The following ZNF280C variants were observed in gnomAD, a reference collection of about 807,000 sequenced individuals.
ZNF280C encodes zinc finger protein 280C.
A neutral mutation model predicts 53.6 loss-of-function variants in ZNF280C; 14 were observed. The observed-to-expected ratio is 0.26, with a 90% CI of 0.17 to 0.41. The LOEUF (loss-of-function observed/expected upper bound fraction) is 0.41. ZNF280C is among the 10% of genes least tolerant of loss of function. The pLI is 1.00. For synonymous variants in ZNF280C, 203 were observed against 181.1 expected (o/e 1.12, Z -0.97); for missense variants, 416 against 547.1 (o/e 0.76, Z 2.39).
rs181185487 is a variant in ZNF280C at position 130,204,585 on chromosome X, A to C, written c.*392T>G. The C allele has an allele frequency of 1.4e-3, 189 of 136,004 alleles. No homozygotes were observed. In the South Asian group the frequency reaches 0.019, roughly 13 times the overall value. 11.2% of individuals were successfully genotyped at this position (136,004 alleles called of 1,213,427 possible). A position where few individuals can be genotyped will look rare whatever the true frequency, so the allele number is the denominator to read the frequency against. ...AAAAATAGAACAGTAATGAACAAGG[A>C]ATGAAGAAAAAATGGTTATCTGACC... is the stretch of plus-strand genomic sequence containing the variant. On this transcript the variant is annotated 3_prime_UTR_variant, in exon 19 of 19. Transcript: ENST00000370978.
At chrX:130,232,755 C>T (rs2032290949) in intron 8 of ZNF280C, among the ~76,000 whole-genome samples, 3 of 111,943 alleles carry the variant, frequency 2.7e-5, no homozygotes, top group Middle Eastern at 4.7e-3. Flanking sequence ...TTGGTGCAGT[C>T]GCTATGGAAG....
At chrX:130,250,402 G>A (rs1027459937) in intron 2 of ZNF280C, among the ~76,000 whole-genome samples, 15 of 111,461 alleles carry the variant, frequency 1.3e-4, no homozygotes, top group Non-Finnish European at 2.4e-4. Context: ...GACTAATACA[G>A]AAGAGAGAAG....
At chrX:130,218,718 A>C (rs183813725) in intron 13 of ZNF280C, among the ~76,000 whole-genome samples, 73 of 112,186 alleles carry the variant, frequency 6.5e-4, no homozygotes, top group African/African-American at 2.2e-3. Flanking sequence ...CATGACCTTG[A>C]GTAAGGAATT....
chrX:130,255,676 T>C (rs2032562895), intron 2 of ZNF280C, among the ~76,000 whole-genome samples: 1 of 111,864 alleles, frequency 8.9e-6, no homozygotes. Flanking sequence ...GCCAGGTGGC[T>C]GAGTGTGGTG....
At chrX:130,210,956 A>G (rs766340460) in intron 15 of ZNF280C, among the ~76,000 whole-genome samples, 9 of 112,321 alleles carry the variant, frequency 8.0e-5, no homozygotes, top group Non-Finnish European at 1.3e-4. Flanking sequence ...AGTGGGGCCC[A>G]GAAATCTGTT....
chrX:130,263,929 G>C (rs2032658012), intron 1 of ZNF280C, among the ~76,000 whole-genome samples: 1 of 107,208 alleles, frequency 9.3e-6, no homozygotes, highest in Non-Finnish European at 1.9e-5. Context: ...GGAGGCTGAG[G>C]CAGGAGAATA....
chrX:130,215,924 T>C lies in ZNF280C; in HGVS notation c.1705A>G (p.Thr569Ala). Residue 569 changes from threonine (T) to alanine (A), a missense_variant, in exon 14 of 19, where the codon ACA becomes GCA. Transcript: ENST00000370978. ...GTATTAACTTTACTTGCAGTGGATG[T>C]AGTTGCATGAAGCTTACTTGTCTTA... ...RSKTSKLHAT[T>A]STASKVNTSK... is the part of the protein sequence containing the mutation. 8.3e-7 allele frequency: 1 copy of C among 1,211,573 alleles called. No individual in the cohort carries two copies. The highest frequency in any genetic ancestry group is 1.1e-6 in the Non-Finnish European group (1 of 895,347).
chrX:130,204,743 GGA>G lies in ZNF280C; in HGVS notation c.*232_*233del. The G allele has an allele frequency of 3.5e-6, 1 of 288,480 alleles. No individual in the cohort carries two copies. Among genetic ancestry groups the G allele is most frequent in the Non-Finnish European group, 6.1e-6 (1 of 164,595 alleles). The allele number at this position is 288,480 out of a possible 1,213,427, so 23.8% of individuals were successfully genotyped here. On this transcript the variant is annotated 3_prime_UTR_variant, in exon 19 of 19. Transcript: ENST00000370978. ...GCAGAGAAAAACAAAAGGCATTTTT[GGA>G]GAGAGCCAACTGGAGAAAAAAATAT...
intron 2 of ZNF280C, among the ~76,000 whole-genome samples, chrX:130,248,025 G>A (rs1463247215): frequency 9.5e-6 from 1 of 105,589 alleles, no homozygotes; most frequent in Non-Finnish European, 1.9e-5. Flanking sequence ...CAACCAATGC[G>A]TACCAGAAAA....
rs149005920 is a variant in ZNF280C at position 130,215,747 on chromosome X, A to G, written c.1838+44T>C. 193 of 1,080,932 alleles carry G rather than the reference A, an allele frequency of 1.8e-4. 1 individual carries two copies. In the African/African-American group the frequency reaches 3.1e-3, roughly 18 times the overall value. The allele number at this position is 1,080,932 out of a possible 1,213,427, so 89.1% of individuals were successfully genotyped here. A position where few individuals can be genotyped will look rare whatever the true frequency, so the allele number is the denominator to read the frequency against. On this transcript the variant is annotated intron_variant, in intron 14 of 18. Transcript: ENST00000370978. ...TTTTATGATATGATAAATTATATAC[A>G]TAAGATTAAATTTGTATTGTATATC...
At chrX:130,263,700 T>G (rs2032655086) in intron 1 of ZNF280C, among the ~76,000 whole-genome samples, 1 of 111,533 alleles carries the variant, frequency 9.0e-6, no homozygotes, top group Admixed American at 9.6e-5. Context: ...GTAAATTGTA[T>G]GCTATATGAA....
intron 15 of ZNF280C, among the ~76,000 whole-genome samples, chrX:130,213,348 G>C (rs1265793822): frequency 2.7e-5 from 3 of 112,054 alleles, no homozygotes; most frequent in African/African-American, 9.7e-5. Context: ...ACTCCAGCCT[G>C]GGTGACAGAG....
intron 5 of ZNF280C, among the ~76,000 whole-genome samples, chrX:130,239,981 T>C (rs1282117944): frequency 9.0e-6 from 1 of 111,557 alleles, no homozygotes; most frequent in Non-Finnish European, 1.9e-5. Context: ...ACAACTTTTC[T>C]GCAAGGAAAT....
intron 6 of ZNF280C, among the ~76,000 whole-genome samples, 164 bp from the exon 7 acceptor site, chrX:130,236,803 C>T (rs1367716929): frequency 9.0e-6 from 1 of 111,138 alleles, no homozygotes. Flanking sequence ...ATACAAATGA[C>T]AATAAAGAAT....
chrX:130,207,436 T>A (rs2031987936), intron 16 of ZNF280C, among the ~76,000 whole-genome samples: 1 of 111,767 alleles, frequency 8.9e-6, no homozygotes, highest in South Asian at 3.8e-4. Flanking sequence ...CTCGGCTCAC[T>A]GTAACCTCCA....
intron 6 of ZNF280C, among the ~76,000 whole-genome samples, chrX:130,237,990 T>C (rs1329108643): frequency 9.0e-6 from 1 of 111,312 alleles, no homozygotes; most frequent in Non-Finnish European, 1.9e-5. Flanking sequence ...CTGAGCTCAA[T>C]AGTTTTAAAT....
At chrX:130,229,395 A>G (rs767858732) in intron 9 of ZNF280C, among the ~76,000 whole-genome samples, 6 of 112,060 alleles carry the variant, frequency 5.4e-5, no homozygotes, top group South Asian at 7.3e-4. Context: ...CTGTAACACT[A>G]TATCATTATT....
chrX:130,216,016 T>C lies in ZNF280C; in HGVS notation c.1613A>G (p.Gln538Arg), dbSNP rs2032098952. 3 of 1,209,666 alleles carry C rather than the reference T, an allele frequency of 2.5e-6. No homozygotes were observed. The highest frequency in any genetic ancestry group is 3.4e-6 in the Non-Finnish European group (3 of 894,976). The change falls in exon 14 of 19, where the codon CAG becomes CGG. Residue 538 changes from glutamine (Q) to arginine (R), a missense_variant. Gln to Arg is a conservative substitution (Grantham distance 43). Around this residue, in one of 3 missense-constraint regions of ZNF280C, gnomAD observed 151 missense variants for 176.9 expected, o/e 0.85. Coordinates refer to ENST00000370978, the MANE Select transcript of ZNF280C (RefSeq NM_017666.5). Reference sequence around the variant, plus strand: ...ATTTTGAGATGTCGGAGGTGTGACCTGAAGAAAAGAAGTGCCTGGAGCGCA... The same window carrying C: ...ATTTTGAGATGTCGGAGGTGTGACCCGAAGAAAAGAAGTGCCTGGAGCGCA... ...FGCAPGTSFL[Q>R]VTPPTSQNTT...
intron 8 of ZNF280C, among the ~76,000 whole-genome samples, chrX:130,232,970 G>A: frequency 9.0e-6 from 1 of 111,200 alleles, no homozygotes. Context: ...AATGGATGAG[G>A]AGGATGTGGT....
Sources: allele counts gnomAD v4.1 joint callset (sites outside exome capture counted in the v4.1 genomes callset), GRCh38; gene constraint gnomAD v4.1.1; regional missense constraint gnomAD v4.1.1; transcripts MANE v1.5; gene names NCBI Gene and HGNC (gene_info 2026-07-23, HGNC 2026-07-21).